CDH18: variants seen among roughly 807,000 people sequenced by gnomAD.
CDH18 encodes the protein cadherin 18.
CDH18 carries 31 observed loss-of-function variants against 67.9 expected under a neutral mutation model. The observed-to-expected ratio is 0.46, with a 90% CI of 0.34 to 0.62. The LOEUF is 0.62. Ranked by LOEUF, CDH18 falls within the 20% of genes least tolerant of loss-of-function variation. The pLI is 0.01. For synonymous variants in CDH18, 362 were observed against 347.2 expected (o/e 1.04, Z -0.48); for missense variants, 890 against 975.5 (o/e 0.91, Z 1.17).
At chr5:20,237,687 C>T (rs1370583899) in intron 2 of CDH18, among the ~76,000 whole-genome samples, 3 of 151,850 alleles carry the variant, frequency 2.0e-5, no homozygotes, top group Admixed American at 6.6e-5. Flanking sequence ...GAGAGCAAAA[C>T]CTTGCTCCTG....
intron 3 of CDH18, among the ~76,000 whole-genome samples, chr5:19,772,852 TA>T (rs1773879000): frequency 6.6e-6 from 1 of 152,212 alleles, no homozygotes; most frequent in Non-Finnish European, 1.5e-5. Context: ...TAATGACTGA[TA>T]AGTCTAAGTG....
chr5:20,459,685 T>C (rs1751110839), intron 1 of CDH18, among the ~76,000 whole-genome samples: 1 of 152,204 alleles, frequency 6.6e-6, no homozygotes, highest in Non-Finnish European at 1.5e-5. Flanking sequence ...TCATTTCCTC[T>C]TTGTGCCAAC....
intron 2 of CDH18, among the ~76,000 whole-genome samples, chr5:20,231,869 G>A (rs1349432877): frequency 1.3e-5 from 2 of 151,968 alleles, no homozygotes; most frequent in Non-Finnish European, 2.9e-5. Flanking sequence ...ATACATGAAT[G>A]TCTGTACTAT....
intron 5 of CDH18, among the ~76,000 whole-genome samples, chr5:19,656,584 A>G (rs1345939280): frequency 6.6e-6 from 1 of 152,132 alleles, no homozygotes; most frequent in African/African-American, 2.4e-5. Flanking sequence ...TTAAAGGTCT[A>G]TAAATATATA....
At chr5:20,310,026 G>C (rs1013129804) in intron 1 of CDH18, among the ~76,000 whole-genome samples, 1 of 151,978 alleles carries the variant, frequency 6.6e-6, no homozygotes, top group African/African-American at 2.4e-5. Flanking sequence ...CCCTGATATG[G>C]CACAGTGAAA....
intron 1 of CDH18, among the ~76,000 whole-genome samples, chr5:20,316,719 A>C (rs979866214): frequency 6.6e-6 from 1 of 152,024 alleles, no homozygotes; most frequent in African/African-American, 2.4e-5. Context: ...TAGTAAAGAC[A>C]GTTATAGAAG....
chr5:20,316,401 A>G (rs1409806510), intron 1 of CDH18, among the ~76,000 whole-genome samples: 2 of 152,102 alleles, frequency 1.3e-5, no homozygotes, highest in African/African-American at 4.8e-5. Context: ...GCAAGTAGAT[A>G]TTCTAATATT....
chr5:19,873,347 C>T (rs1280175442), intron 2 of CDH18, among the ~76,000 whole-genome samples: 4 of 151,960 alleles, frequency 2.6e-5, no homozygotes, highest in Admixed American at 2.0e-4. Context: ...TCTGTGGTGG[C>T]TACAGCAAAG....
chr5:19,709,506 G>A (rs1764424492), intron 5 of CDH18, among the ~76,000 whole-genome samples: 1 of 152,012 alleles, frequency 6.6e-6, no homozygotes, highest in Non-Finnish European at 1.5e-5. Context: ...GGCAGAGGCT[G>A]CAGTGAGCCG....
At chr5:19,598,936 T>G (rs1312444652) in intron 6 of CDH18, among the ~76,000 whole-genome samples, 1 of 152,148 alleles carries the variant, frequency 6.6e-6, no homozygotes. Context: ...CAAAGGGTTA[T>G]TTATAACTAT....
chr5:19,579,144 A>G (rs530878958), intron 7 of CDH18, among the ~76,000 whole-genome samples: 2 of 151,988 alleles, frequency 1.3e-5, no homozygotes, highest in South Asian at 4.1e-4. Flanking sequence ...TATCTATCAC[A>G]GACTGAAATT....
At chr5:19,870,754 G>T (rs904805651) in intron 2 of CDH18, among the ~76,000 whole-genome samples, 1 of 152,154 alleles carries the variant, frequency 6.6e-6, no homozygotes, top group Non-Finnish European at 1.5e-5. Context: ...GAGATTAGAT[G>T]CTACGTGGTC....
chr5:20,180,940 C>T (rs577278624), intron 2 of CDH18, among the ~76,000 whole-genome samples: 26 of 152,222 alleles, frequency 1.7e-4, no homozygotes, highest in Admixed American at 1.7e-3. Context: ...TTATATGAAA[C>T]CAGTGAGCTT....
At chr5:20,562,921 C>A (rs1380598796) in intron 1 of CDH18, among the ~76,000 whole-genome samples, 1 of 151,152 alleles carries the variant, frequency 6.6e-6, no homozygotes, top group African/African-American at 2.4e-5. Flanking sequence ...TGGTGTATTT[C>A]TATCATTTTT....
At chr5:19,922,957 G>T (rs1289107582) in intron 2 of CDH18, among the ~76,000 whole-genome samples, 1 of 152,068 alleles carries the variant, frequency 6.6e-6, no homozygotes, top group Non-Finnish European at 1.5e-5. Flanking sequence ...TAAAAATTTA[G>T]ATTCAATGGC....
At chr5:19,783,545 T>A (rs548669510) in intron 3 of CDH18, among the ~76,000 whole-genome samples, 10 of 152,162 alleles carry the variant, frequency 6.6e-5, no homozygotes, top group Non-Finnish European at 1.3e-4. Context: ...TATTCTAAAC[T>A]TATTTCAACC....
At chr5:20,147,521 T>C (rs1052769714) in intron 2 of CDH18, among the ~76,000 whole-genome samples, 11 of 152,168 alleles carry the variant, frequency 7.2e-5, no homozygotes, top group Admixed American at 3.9e-4. Context: ...TTCATCCCAA[T>C]GTGTACCACC....
intron 2 of CDH18, among the ~76,000 whole-genome samples, chr5:20,217,926 T>C (rs1002290113): frequency 6.6e-6 from 1 of 151,864 alleles, no homozygotes; most frequent in Admixed American, 6.6e-5. Flanking sequence ...AAACTGACAT[T>C]ATATAATGAT....
rs141208658 is a variant in CDH18 at position 20,469,766 on chromosome 5, T to C, written c.-580+105696A>G. Among the ~76,000 whole-genome samples, 780 of 152,314 alleles carry C rather than the reference T, an allele frequency of 5.1e-3. 6 individuals carry two copies. The highest frequency in any genetic ancestry group is 0.017 in the African/African-American group (706 of 41,582). On this transcript the variant is annotated intron_variant, in intron 1 of 14. Transcript: ENST00000507958. ...TAATCCCTTGTTATTAGTGGTATCA[T>C]TCAGGATCCCTCATTACTGCATCCT...
Sources: allele counts gnomAD v4.1 joint callset (sites outside exome capture counted in the v4.1 genomes callset), GRCh38; gene constraint gnomAD v4.1.1; transcripts MANE v1.5; gene names NCBI Gene and HGNC (gene_info 2026-07-23, HGNC 2026-07-21).